ELAVL4: variants seen among roughly 807,000 people sequenced by gnomAD.
ELAVL4 encodes ELAV-like protein 4.
ELAVL4 carries 1 observed loss-of-function variant against 35.6 expected under a neutral mutation model. The ratio of observed to expected loss-of-function variants is 0.03; its 90% confidence interval spans 0.01 to 0.13. The LOEUF (loss-of-function observed/expected upper bound fraction) is 0.13. Ranked by LOEUF, ELAVL4 falls within the 10% of genes least tolerant of loss-of-function variation. The pLI, the probability that ELAVL4 is intolerant of heterozygous loss-of-function variation, is 1.00. For synonymous variants in ELAVL4, 156 were observed against 171.0 expected, an observed-to-expected ratio of 0.91 and a Z score of 0.69; for missense variants, 267 against 464.9, an observed-to-expected ratio of 0.57 and a Z score of 3.91.
intron 2 of ELAVL4, among the ~76,000 whole-genome samples, chr1:50,167,064 C>T (rs1027239059): frequency 5.3e-5 from 8 of 152,254 alleles, no homozygotes; most frequent in Admixed American, 3.3e-4. Context: ...CCCTTGATTC[C>T]TGGACCCATG....
chr1:50,127,941 T>C (rs1670222902), intron 1 of ELAVL4, among the ~76,000 whole-genome samples: 1 of 152,172 alleles, frequency 6.6e-6, no homozygotes, highest in Admixed American at 6.6e-5. Flanking sequence ...AGAAATAACA[T>C]GCCAGGCGTG....
chr1:50,095,330 A>T (rs1408488078), intron 1 of ELAVL4, among the ~76,000 whole-genome samples: 2 of 152,054 alleles, frequency 1.3e-5, no homozygotes, highest in Non-Finnish European at 2.9e-5. Context: ...AATGAGGCCC[A>T]CCCTTCCCCC....
intron 1 of ELAVL4, among the ~76,000 whole-genome samples, chr1:50,050,590 A>AG (rs1663302618): frequency 6.6e-6 from 1 of 152,208 alleles, no homozygotes; most frequent in African/African-American, 2.4e-5. Flanking sequence ...CCTGAGCCAC[A>AG]GGAAAGTTAG....
At chr1:50,176,500 T>C (rs1394827271) in intron 2 of ELAVL4, among the ~76,000 whole-genome samples, 5 of 152,194 alleles carry the variant, frequency 3.3e-5, no homozygotes, top group African/African-American at 9.7e-5. Context: ...GTCCAGCACT[T>C]GCCTCAATTT....
At chr1:50,119,533 C>CT (rs1216816179) in intron 1 of ELAVL4, among the ~76,000 whole-genome samples, 2 of 151,774 alleles carry the variant, frequency 1.3e-5, no homozygotes, top group East Asian at 1.9e-4. Context: ...TCAGTTCCTT[C>CT]TTTTTTTTAG....
At chr1:50,146,497 T>C (rs1298848979) in intron 2 of ELAVL4, among the ~76,000 whole-genome samples, 1 of 152,104 alleles carries the variant, frequency 6.6e-6, no homozygotes, top group Non-Finnish European at 1.5e-5. Context: ...TGCACAGTGG[T>C]CCCTCAGTAA....
chr1:50,175,391 C>T (rs1368716655), intron 2 of ELAVL4: 3 of 58,988 alleles, frequency 5.1e-5, no homozygotes, highest in Non-Finnish European at 1.3e-4. Flanking sequence ...CACACGTACA[C>T]ACACACACAC....
intron 2 of ELAVL4, among the ~76,000 whole-genome samples, chr1:50,165,609 C>T (rs921774515): frequency 8.2e-5 from 12 of 145,688 alleles, no homozygotes; most frequent in African/African-American, 1.5e-4. Flanking sequence ...TGTATGTATA[C>T]GTATACATAT....
intron 5 of ELAVL4, 35 bp downstream of exon 5, chr1:50,195,821 A>C: frequency 6.2e-7 from 1 of 1,610,986 alleles, no homozygotes; most frequent in Non-Finnish European, 8.5e-7. Flanking sequence ...GCCCTGCTAC[A>C]GGGGTTCATA....
intron 1 of ELAVL4, among the ~76,000 whole-genome samples, chr1:50,079,427 A>G (rs1374889177): frequency 1.3e-5 from 2 of 152,210 alleles, no homozygotes; most frequent in African/African-American, 2.4e-5. Flanking sequence ...AGCCCCTTCC[A>G]TGAGAAGCTC....
intron 1 of ELAVL4, among the ~76,000 whole-genome samples, chr1:50,078,254 C>A (rs1433752178): frequency 6.6e-6 from 1 of 151,872 alleles, no homozygotes; most frequent in Non-Finnish European, 1.5e-5. Context: ...AGGCACCAGT[C>A]AGGTAATATC....
Position 50,087,043 on chromosome 1 carries a change from C to T in ELAVL4, c.18+38861C>T, listed in dbSNP as rs550340481. Among the ~76,000 whole-genome samples the T allele has an allele frequency of 5.9e-5, 9 of 152,160 alleles. No homozygotes were observed. In the South Asian group the frequency reaches 1.7e-3, roughly 28 times the overall value. ...GAGGAAGAGGGTGGGCTTAGAGAGT[C>T]AATCAATTATCTTTTGGGCTTAAAA... On this transcript the variant is annotated intron_variant, in intron 1 of 6. Transcript: ENST00000448907.
Position 50,135,221 on chromosome 1 carries a change from T to G in ELAVL4, c.10-9736T>G, listed in dbSNP as rs192841597. The stretch of plus-strand genomic sequence containing the variant: ...AAGGGATGCCTCACGCTTACCTCAT[T>G]GTTACAAATATAAGTTCCTTTTAGA... On this transcript the variant is annotated intron_variant, in intron 1 of 6. Coordinates refer to ENST00000371824, the MANE Select transcript of ELAVL4 (RefSeq NM_001144774.3). Among the ~76,000 whole-genome samples, 40 of 152,240 alleles carry G rather than the reference T, an allele frequency of 2.6e-4. 1 individual carries two copies. The highest frequency in any genetic ancestry group is 9.4e-4 in the African/African-American group (39 of 41,548).
intron 1 of ELAVL4, among the ~76,000 whole-genome samples, chr1:50,073,806 C>T (rs1664639120): frequency 1.5e-5 from 1 of 66,394 alleles, no homozygotes; most frequent in Non-Finnish European, 2.9e-5. Flanking sequence ...ACTAGATACG[C>T]AAACTAAATG....
chr1:50,161,455 A>G (rs1397372947), intron 2 of ELAVL4, among the ~76,000 whole-genome samples: 3 of 151,970 alleles, frequency 2.0e-5, no homozygotes, highest in African/African-American at 7.2e-5. Flanking sequence ...CTATTGTCCT[A>G]GTGCACTACT....
chr1:50,147,714 T>A (rs1673978771), intron 2 of ELAVL4, among the ~76,000 whole-genome samples: 1 of 152,070 alleles, frequency 6.6e-6, no homozygotes, highest in Non-Finnish European at 1.5e-5. Flanking sequence ...CTCCAACACC[T>A]CCTACAGATC....
intron 1 of ELAVL4, chr1:50,141,681 T>C (rs1192332077): frequency 6.6e-6 from 1 of 152,306 alleles, no homozygotes; most frequent in Non-Finnish European, 1.5e-5. Flanking sequence ...TGAATAGGCT[T>C]TGCTGGGTAC....
chr1:50,198,811 A>G (rs1451604406), intron 6 of ELAVL4, among the ~76,000 whole-genome samples: 3 of 152,212 alleles, frequency 2.0e-5, no homozygotes, highest in Non-Finnish European at 4.4e-5. Context: ...TGATAATAGC[A>G]TTCTCTTTTC....
At chr1:50,050,755 G>T (rs887671521) in intron 1 of ELAVL4, among the ~76,000 whole-genome samples, 6 of 152,166 alleles carry the variant, frequency 3.9e-5, no homozygotes, top group Middle Eastern at 3.4e-3. Flanking sequence ...CTGCTCATTT[G>T]CATAATATGA....
Sources: gnomAD v4.1 joint callset for allele counts (sites outside exome capture counted in the v4.1 genomes callset) on GRCh38, gnomAD v4.1.1 for gene constraint, MANE v1.5 for transcripts, NCBI Gene and HGNC (gene_info 2026-07-23, HGNC 2026-07-21) for gene names.